CDC42BPB: variants seen among roughly 807,000 people sequenced by gnomAD.
The protein encoded by CDC42BPB is serine/threonine-protein kinase MRCK beta.
In CDC42BPB, 37 loss-of-function variants were observed where a neutral mutation model predicts 214.9. The ratio of observed to expected loss-of-function variants is 0.17; its 90% confidence interval spans 0.13 to 0.23. The LOEUF (loss-of-function observed/expected upper bound fraction) is 0.23. Among genes scored for constraint, CDC42BPB ranks in the 10% least tolerant of loss-of-function variants. CDC42BPB has a pLI of 1.00. For synonymous variants in CDC42BPB, 931 were observed against 884.0 expected (o/e 1.05, Z -0.94); for missense variants, 1,694 against 2,227.0 (o/e 0.76, Z 4.82).
intron 6 of CDC42BPB, among the ~76,000 whole-genome samples, chr14:102,984,083 T>C (rs1894128000): frequency 6.6e-6 from 1 of 152,148 alleles, no homozygotes; most frequent in Non-Finnish European, 1.5e-5. Flanking sequence ...TGCAAATAAA[T>C]ATCCTTTTGA....
intron 1 of CDC42BPB, among the ~76,000 whole-genome samples, chr14:103,047,244 A>G (rs1377645632): frequency 2.0e-5 from 3 of 148,434 alleles, no homozygotes; most frequent in Non-Finnish European, 4.5e-5. Flanking sequence ...AGATCACGCC[A>G]CTGCACTCCA....
intron 30 of CDC42BPB, chr14:102,940,844 C>T (rs1263655431): frequency 1.1e-5 from 2 of 176,198 alleles, no homozygotes; most frequent in Non-Finnish European, 2.5e-5. Flanking sequence ...CCCTAGGAAC[C>T]CGTGCTATGG....
At chr14:102,934,903 G>A (rs762369139) in intron 36 of CDC42BPB, among the ~76,000 whole-genome samples, 6 of 151,624 alleles carry the variant, frequency 4.0e-5, no homozygotes, top group East Asian at 1.9e-4. Context: ...CCAGCTACTC[G>A]GGAGGCTGAG....
At chr14:102,999,779 G>T in intron 4 of CDC42BPB, 66 bp from the exon 5 acceptor site, 1 of 1,587,900 alleles carries the variant, frequency 6.3e-7, no homozygotes, top group Non-Finnish European at 8.6e-7. Context: ...GACAGTTACA[G>T]GCCAGTCTTC....
At chr14:102,994,487 G>A (rs1449644839) in intron 5 of CDC42BPB, among the ~76,000 whole-genome samples, 1 of 152,184 alleles carries the variant, frequency 6.6e-6, no homozygotes. Context: ...GCCTTTAGAT[G>A]GGCAGATGCC....
chr14:102,988,256 A>G (rs1894338041), intron 5 of CDC42BPB, among the ~76,000 whole-genome samples: 1 of 152,150 alleles, frequency 6.6e-6, no homozygotes, highest in African/African-American at 2.4e-5. Flanking sequence ...GAGACAGGCA[A>G]AGAAGGCCCA....
At chr14:102,977,263 C>T (rs1005454293) in intron 9 of CDC42BPB, among the ~76,000 whole-genome samples, 3 of 141,786 alleles carry the variant, frequency 2.1e-5, no homozygotes, top group Non-Finnish European at 4.5e-5. Context: ...CGCTTGAACC[C>T]GGGAGGCAGA....
chr14:102,985,357 G>A lies in CDC42BPB; in HGVS notation c.690+1130C>T, dbSNP rs563976654. Reference sequence around the variant, plus strand: ...CCGTGACAGGGTGGTGTGGAGGTGAGGAGGGTAACCCATGCTCTTGTTATA... The same window carrying A: ...CCGTGACAGGGTGGTGTGGAGGTGAAGAGGGTAACCCATGCTCTTGTTATA... On this transcript the variant is annotated intron_variant, in intron 6 of 36. Coordinates refer to ENST00000361246, the MANE Select transcript of CDC42BPB (RefSeq NM_006035.4). Among the ~76,000 whole-genome samples the A allele has an allele frequency of 4.0e-5, 6 of 150,258 alleles. No individual in the cohort carries two copies. In the East Asian group the frequency reaches 1.2e-3, roughly 30 times the overall value.
intron 1 of CDC42BPB, among the ~76,000 whole-genome samples, chr14:103,050,922 TCATTC>T (rs1055367073): frequency 3.6e-4 from 55 of 152,160 alleles, no homozygotes; most frequent in African/African-American, 1.3e-3. Context: ...TGAAATTATA[TCATTC>T]CATTCAAATT....
intron 1 of CDC42BPB, among the ~76,000 whole-genome samples, chr14:103,048,969 G>A (rs1888456578): frequency 1.3e-5 from 2 of 152,038 alleles, no homozygotes; most frequent in African/African-American, 2.4e-5. Context: ...TTAGTAAACT[G>A]TATCTTACAT....
chr14:103,055,971 C>G (rs1002562325), intron 1 of CDC42BPB, among the ~76,000 whole-genome samples: 1 of 152,224 alleles, frequency 6.6e-6, no homozygotes, highest in Non-Finnish European at 1.5e-5. Context: ...TTTCCTCCTC[C>G]TACTCAGTGG....
intron 29 of CDC42BPB, chr14:102,945,117 C>T (rs1226927853): frequency 7.6e-6 from 3 of 392,438 alleles, no homozygotes; most frequent in Non-Finnish European, 1.6e-5. Flanking sequence ...GCCCTTCTCG[C>T]TCCACGGCCA....
intron 5 of CDC42BPB, 123 bp downstream of exon 5, chr14:102,999,442 G>A: frequency 1.2e-6 from 1 of 855,206 alleles, no homozygotes; most frequent in Non-Finnish European, 1.9e-6. Flanking sequence ...CTGTGCTGCG[G>A]CAGCTCAAAG....
In CDC42BPB at chr14:102,972,102, ATGGGCATCTTTGAGTTCCTTGGCC is replaced by A; in HGVS notation, c.1677_1700del (p.Gln559_Ala566del). 1 of 1,614,244 alleles carries A rather than the reference ATGGGCATCTTTGAGTTCCTTGGCC, an allele frequency of 6.2e-7. No homozygotes were observed. The highest frequency in any genetic ancestry group is 8.5e-7 in the Non-Finnish European group (1 of 1,180,046). ...CCTGCAGGGCCAGCTTTCGCTGCTG[ATGGGCATCTTTGAGTTCCTTGGCC>A]TGGGATTTCAACCGCTCTGAGGCTT... On this transcript the variant is annotated inframe_deletion, in exon 13 of 37. Coordinates refer to ENST00000361246, the MANE Select transcript of CDC42BPB (RefSeq NM_006035.4).
At position 102,989,357 on chromosome 14, in the gene CDC42BPB, C is replaced by T. The variant is rs547690136; in HGVS notation, c.597-2777G>A. On this transcript the variant is annotated intron_variant, in intron 5 of 36. Transcript: ENST00000361246. ...AAACTTACAACATCAAATAAACCTA[C>T]GTATGTAATTTATTTCTCTCTTGAT... 1.7e-4 allele frequency among the ~76,000 whole-genome samples: 26 copies of T among 152,280 alleles called. No homozygotes were observed. In the South Asian group the frequency reaches 4.8e-3, roughly 28 times the overall value.
In CDC42BPB at chr14:103,003,931, G is replaced by T; in HGVS notation, c.444C>A (p.His148Gln). Residue 148 changes from histidine (H) to glutamine (Q), a missense_variant, in exon 4 of 37, where the codon CAC (histidine) becomes CAA (glutamine). His to Gln is a conservative substitution (Grantham distance 24). Around this residue, in one of 7 missense-constraint regions of CDC42BPB, gnomAD observed 225 missense variants for 459.3 expected, o/e 0.49. Coordinates refer to ENST00000361246, the MANE Select transcript of CDC42BPB (RefSeq NM_006035.4). ...AGTCTCTGGCTGTGCGACCTACCAG[G>T]TGGTTCTCGTCCTGAAAGGCGTAGT... ...ALHYAFQDEN[H>Q]LYLVMDYYVG... 1 of 1,607,948 alleles carries T rather than the reference G, an allele frequency of 6.2e-7. No individual in the cohort carries two copies. Among genetic ancestry groups the T allele is most frequent in the Non-Finnish European group, 8.5e-7 (1 of 1,175,506 alleles).
In CDC42BPB at chr14:103,004,570, G is replaced by A. The variant is rs536429707; in HGVS notation, c.352-547C>T. ...AAGAGGCTGCCCTCTACCCTGCTAC[G>A]TCTTCCAAAAGAGTTTTAATGCCCA... On this transcript the variant is annotated intron_variant, in intron 3 of 36. Coordinates refer to ENST00000361246, the MANE Select transcript of CDC42BPB (RefSeq NM_006035.4). This position sits in a 1 kb window ranked among gnomAD's most constrained non-coding sequence, Gnocchi z 5.3. 3.3e-5 allele frequency among the ~76,000 whole-genome samples: 5 copies of A among 152,328 alleles called. No homozygotes were observed. Among genetic ancestry groups the A allele is most frequent in the South Asian group, 4.1e-4 (2 of 4,824 alleles).
intron 36 of CDC42BPB, 112 bp from the exon 37 acceptor site, chr14:102,933,955 T>C (rs1891514182): frequency 1.4e-6 from 2 of 1,426,426 alleles, no homozygotes; most frequent in Non-Finnish European, 1.8e-6. Context: ...ACTGCTCTTC[T>C]CCCTTCATGT....
At chr14:102,955,994 T>A (rs1410435904) in intron 21 of CDC42BPB, among the ~76,000 whole-genome samples, 1 of 152,250 alleles carries the variant, frequency 6.6e-6, no homozygotes, top group Non-Finnish European at 1.5e-5. Flanking sequence ...CTAGCTCGAC[T>A]GGCTAATTAC....
Sources: gnomAD v4.1 joint callset for allele counts (sites outside exome capture counted in the v4.1 genomes callset) on GRCh38, gnomAD v4.1.1 for gene constraint, gnomAD v4.1.1 regional missense constraint, Gnocchi (gnomAD v3.1) non-coding constraint, MANE v1.5 for transcripts, NCBI Gene and HGNC (gene_info 2026-07-23, HGNC 2026-07-21) for gene names.